Variants in TRAPPC8 observed in about 807,000 individuals in gnomAD.
TRAPPC8 encodes trafficking protein particle complex subunit 8.
A neutral mutation model predicts 174.3 loss-of-function variants in TRAPPC8; 54 were observed. That is an observed-to-expected ratio of 0.31 (90% CI 0.25 to 0.39). The LOEUF (loss-of-function observed/expected upper bound fraction) is 0.39, where lower values mean the gene tolerates loss of function less well. TRAPPC8 is among the 10% of genes least tolerant of loss of function. TRAPPC8 has a pLI of 1.00. For missense variants in TRAPPC8, 1,531 were observed against 1,699.1 expected (o/e 0.90, Z 1.74); for synonymous variants, 630 against 579.9 (o/e 1.09, Z -1.24).
chr18:31,910,333 T>C (rs1433045533), intron 5 of TRAPPC8, among the ~76,000 whole-genome samples: 1 of 152,168 alleles, frequency 6.6e-6, no homozygotes, highest in Admixed American at 6.5e-5. Context: ...CCAGTAAATA[T>C]GATGTATTAT....
At chr18:31,935,728 G>C (rs79296582) in intron 1 of TRAPPC8, among the ~76,000 whole-genome samples, 13,273 of 150,374 alleles carry the variant, frequency 0.088, 826 homozygotes, top group East Asian at 0.33. Flanking sequence ...CAGAGGGAGA[G>C]AGACCCCATT....
At chr18:31,852,529 A>G (rs907764604) in intron 23 of TRAPPC8, 25 bp from the exon 24 acceptor site, 2 of 1,613,942 alleles carry the variant, frequency 1.2e-6, no homozygotes, top group African/African-American at 1.3e-5. Flanking sequence ...AAAACAAACT[A>G]ATCATATCAT....
rs187598282 is a variant in TRAPPC8 at position 31,829,927 on chromosome 18, T to C, written c.*828A>G. ...GAAACCAGACTTTCTAATCAACAGA[T>C]ACTAATACGCTATACAGTGAATAGC... On this transcript the variant is annotated 3_prime_UTR_variant, in exon 29 of 29. Coordinates refer to ENST00000283351, the MANE Select transcript of TRAPPC8 (RefSeq NM_014939.5). 2.0e-5 allele frequency: 3 copies of C among 152,780 alleles called. No individual in the cohort carries two copies. The highest frequency in any genetic ancestry group is 4.4e-5 in the Non-Finnish European group (3 of 68,036). The allele number at this position is 152,780 out of a possible 1,614,324, so 9.5% of individuals were successfully genotyped here. A position where few individuals can be genotyped will look rare whatever the true frequency, so the allele number is the denominator to read the frequency against.
intron 9 of TRAPPC8, among the ~76,000 whole-genome samples, chr18:31,906,901 TGA>T (rs2036684378): frequency 1.3e-5 from 2 of 152,162 alleles, no homozygotes; most frequent in South Asian, 4.1e-4. Context: ...TTGCCTAAGA[TGA>T]GAGAGTGTCT....
intron 24 of TRAPPC8, among the ~76,000 whole-genome samples, chr18:31,850,299 C>T (rs943838017): frequency 9.2e-5 from 14 of 152,128 alleles, no homozygotes; most frequent in African/African-American, 1.9e-4. Context: ...AATTAAACTA[C>T]GCTCCCATAA....
chr18:31,899,644 G>C (rs1475329534), intron 10 of TRAPPC8, among the ~76,000 whole-genome samples: 1 of 152,178 alleles, frequency 6.6e-6, no homozygotes, highest in African/African-American at 2.4e-5. Context: ...CTTCACTGAA[G>C]CTTAATAAAA....
chr18:31,882,673 G>T (rs1408048400), intron 12 of TRAPPC8, among the ~76,000 whole-genome samples: 2 of 151,856 alleles, frequency 1.3e-5, no homozygotes, highest in East Asian at 3.9e-4. Flanking sequence ...TTGGAGTGAA[G>T]TGGCACGATC....
chr18:31,941,289 A>T (rs1229900852), intron 1 of TRAPPC8, among the ~76,000 whole-genome samples: 1 of 152,176 alleles, frequency 6.6e-6, no homozygotes, highest in Non-Finnish European at 1.5e-5. Context: ...CTAAAAATAC[A>T]AAAATTATCC....
intron 19 of TRAPPC8, 53 bp from the exon 20 acceptor site, chr18:31,858,035 C>A: frequency 1.4e-6 from 2 of 1,434,734 alleles, no homozygotes; most frequent in Non-Finnish European, 1.9e-6. Flanking sequence ...TTTTGAACCT[C>A]TAATGAATAA....
At chr18:31,842,956 C>T (rs1437861193) in intron 26 of TRAPPC8, among the ~76,000 whole-genome samples, 1 of 152,028 alleles carries the variant, frequency 6.6e-6, no homozygotes, top group Non-Finnish European at 1.5e-5. Context: ...CTGCTCTGAT[C>T]CATTACATAG....
At chr18:31,835,822 A>C (rs1374054647) in intron 27 of TRAPPC8, among the ~76,000 whole-genome samples, 1 of 152,210 alleles carries the variant, frequency 6.6e-6, no homozygotes, top group Non-Finnish European at 1.5e-5. Context: ...ATGCAAGCAA[A>C]AGTCTTAAAT....
At chr18:31,874,312 G>A in intron 13 of TRAPPC8, 168 bp downstream of exon 13, 1 of 613,814 alleles carries the variant, frequency 1.6e-6, no homozygotes, top group Non-Finnish European at 2.8e-6. Flanking sequence ...TGTGGAAGGG[G>A]CAATGTAACC....
At chr18:31,874,382 T>C (rs549160656) in intron 13 of TRAPPC8, 98 bp downstream of exon 13, 3 of 1,270,200 alleles carry the variant, frequency 2.4e-6, no homozygotes, top group South Asian at 2.7e-5. Flanking sequence ...TAACTACATA[T>C]ATTCTAATAA....
At chr18:31,922,587 C>T (rs1029839352) in intron 2 of TRAPPC8, among the ~76,000 whole-genome samples, 5 of 152,066 alleles carry the variant, frequency 3.3e-5, no homozygotes, top group Admixed American at 6.6e-5. Flanking sequence ...GAGCAAGACC[C>T]TGTCTCAAAA....
Position 31,906,683 on chromosome 18 carries a change from A to C in TRAPPC8, c.1389+777T>G, listed in dbSNP as rs890116749. Reference sequence around the variant, plus strand: ...CTGTGGTAACTTTTCAAAAACATTAAAAGGTTTTAGGCAACAAGTATAGCA... The same window carrying C: ...CTGTGGTAACTTTTCAAAAACATTACAAGGTTTTAGGCAACAAGTATAGCA... On this transcript the variant is annotated intron_variant, in intron 9 of 28. Coordinates refer to ENST00000283351, the MANE Select transcript of TRAPPC8 (RefSeq NM_014939.5). Among the ~76,000 whole-genome samples the C allele has an allele frequency of 2.0e-5, 3 of 152,214 alleles. No individual in the cohort carries two copies. In the East Asian group the frequency reaches 5.8e-4, roughly 29 times the overall value.
chr18:31,873,701 A>C, intron 13 of TRAPPC8, 163 bp from the exon 14 acceptor site: 1 of 513,074 alleles, frequency 1.9e-6, no homozygotes, highest in South Asian at 2.8e-5. Context: ...AAATTTTACA[A>C]CTCAGAAGCA....
chr18:31,872,829 G>A (rs186007017), intron 14 of TRAPPC8, among the ~76,000 whole-genome samples: 7 of 152,082 alleles, frequency 4.6e-5, no homozygotes, highest in Admixed American at 2.6e-4. Flanking sequence ...AACATTAAAC[G>A]TTTATGAAGA....
chr18:31,871,316 T>C (rs1016715187), intron 14 of TRAPPC8, among the ~76,000 whole-genome samples, 196 bp from the exon 15 acceptor site: 19 of 152,130 alleles, frequency 1.2e-4, no homozygotes, highest in Non-Finnish European at 2.9e-5. Flanking sequence ...GATGTTCTTT[T>C]CCTCCTGACT....
intron 12 of TRAPPC8, among the ~76,000 whole-genome samples, chr18:31,880,953 G>A (rs1307024289): frequency 6.6e-6 from 1 of 151,556 alleles, no homozygotes; most frequent in African/African-American, 2.4e-5. Flanking sequence ...AACCAAGGAG[G>A]TAAAAGAGAA....
Sources: allele counts gnomAD v4.1 joint callset (sites outside exome capture counted in the v4.1 genomes callset), GRCh38; gene constraint gnomAD v4.1.1; transcripts MANE v1.5; gene names NCBI Gene and HGNC (gene_info 2026-07-23, HGNC 2026-07-21).